Variants in SMCHD1 observed in about 807,000 individuals in gnomAD.
SMCHD1 encodes the protein structural maintenance of chromosomes flexible hinge domain-containing protein 1.
A neutral mutation model predicts 254.7 loss-of-function variants in SMCHD1; 78 were observed. That is an observed-to-expected ratio of 0.31 (90% CI 0.26 to 0.37). The LOEUF (loss-of-function observed/expected upper bound fraction) is 0.37. Ranked by LOEUF, SMCHD1 falls within the 10% of genes least tolerant of loss-of-function variation. SMCHD1 has a pLI of 1.00. For missense variants in SMCHD1, 1,840 were observed against 2,408.1 expected (o/e 0.76, Z 4.94); for synonymous variants, 766 against 794.9 (o/e 0.96, Z 0.61).
intron 37 of SMCHD1, among the ~76,000 whole-genome samples, chr18:2,764,398 T>C (rs2075834434): frequency 6.6e-6 from 1 of 152,164 alleles, no homozygotes; most frequent in Non-Finnish European, 1.5e-5. Context: ...TTGTTCAACA[T>C]CTCTAATATA....
chr18:2,704,776 A>G lies in SMCHD1; in HGVS notation c.1842+890A>G, dbSNP rs375920901. Among the ~76,000 whole-genome samples, 9 of 152,234 alleles carry G rather than the reference A, an allele frequency of 5.9e-5. No homozygotes were observed. In the East Asian group the frequency reaches 1.2e-3, roughly 20 times the overall value. On this transcript the variant is annotated intron_variant, in intron 13 of 47. Coordinates refer to ENST00000320876, the MANE Select transcript of SMCHD1 (RefSeq NM_015295.3). The stretch of plus-strand genomic sequence containing the variant: ...GCTCTCTGTTCTCTCCATAAATGAG[A>G]GATACCATCATATATTTAAAGCTAT...
At chr18:2,766,471 C>A (rs17628055) in intron 37 of SMCHD1, among the ~76,000 whole-genome samples, 29,391 of 152,124 alleles carry the variant, frequency 0.19, 3,104 homozygotes, top group South Asian at 0.27. Flanking sequence ...CTCACTGAAT[C>A]AATAGAAAAC....
At chr18:2,725,370 A>G (rs1348552886) in intron 21 of SMCHD1, among the ~76,000 whole-genome samples, 1 of 151,856 alleles carries the variant, frequency 6.6e-6, no homozygotes, top group Non-Finnish European at 1.5e-5. Context: ...CAAAAATGAC[A>G]ATTAGAAATA....
At chr18:2,760,462 ATG>A (rs2075765851) in intron 34 of SMCHD1, 188 bp from the exon 35 acceptor site, 3 of 442,602 alleles carry the variant, frequency 6.8e-6, no homozygotes, top group Non-Finnish European at 4.1e-6. Flanking sequence ...TTGTAAAAGA[ATG>A]TACAGGTAAG....
intron 7 of SMCHD1, among the ~76,000 whole-genome samples, chr18:2,689,013 T>C (rs922478014): frequency 2.6e-5 from 4 of 152,232 alleles, no homozygotes; most frequent in Middle Eastern, 3.4e-3. Flanking sequence ...AATAAAATTA[T>C]AGAGTAGAAA....
At chr18:2,781,158 T>TG (rs1203544910) in intron 44 of SMCHD1, among the ~76,000 whole-genome samples, 2 of 152,150 alleles carry the variant, frequency 1.3e-5, no homozygotes, top group Non-Finnish European at 2.9e-5. Flanking sequence ...ACCCCCTCTG[T>TG]GGGGGGAAAC....
chr18:2,686,643 GGT>G (rs550899566), intron 5 of SMCHD1, among the ~76,000 whole-genome samples: 92 of 152,124 alleles, frequency 6.0e-4, no homozygotes, highest in African/African-American at 2.0e-3. Flanking sequence ...TATTGTGTGA[GGT>G]GTTTTGTATA....
intron 37 of SMCHD1, among the ~76,000 whole-genome samples, chr18:2,767,311 A>G (rs1007326596): frequency 6.6e-6 from 1 of 152,128 alleles, no homozygotes; most frequent in Non-Finnish European, 1.5e-5. Context: ...AAACAGAATT[A>G]AAAGAACAGT....
intron 47 of SMCHD1, among the ~76,000 whole-genome samples, chr18:2,799,618 C>T (rs1429303549): frequency 6.6e-6 from 1 of 152,196 alleles, no homozygotes; most frequent in African/African-American, 2.4e-5. Flanking sequence ...AATGTCATGA[C>T]TCTTACTTAG....
At chr18:2,800,062 A>G (rs777295794) in intron 47 of SMCHD1, among the ~76,000 whole-genome samples, 3 of 152,140 alleles carry the variant, frequency 2.0e-5, no homozygotes, top group Non-Finnish European at 4.4e-5. Flanking sequence ...AGAATATACT[A>G]GAGGTGAAGG....
At chr18:2,754,647 C>T (rs1235999959) in intron 34 of SMCHD1, among the ~76,000 whole-genome samples, 2 of 152,074 alleles carry the variant, frequency 1.3e-5, no homozygotes, top group African/African-American at 4.8e-5. Flanking sequence ...TAGCATAAAC[C>T]ATATTAGTGC....
At chr18:2,671,190 C>G (rs138736944) in intron 3 of SMCHD1, among the ~76,000 whole-genome samples, 1 of 152,060 alleles carries the variant, frequency 6.6e-6, no homozygotes, top group Non-Finnish European at 1.5e-5. Flanking sequence ...CCCGTCTCGA[C>G]CTCCCAAAGT....
rs80174345 is a variant in SMCHD1 at position 2,703,402 on chromosome 18, G to A, written c.1648-290G>A. ...CCTCCCAGGCAGTAAGGGTTCATCA[G>A]TTTTTAGTGTATCCTAGGAATTAAA... On this transcript the variant is annotated intron_variant, in intron 12 of 47. Coordinates refer to ENST00000320876, the MANE Select transcript of SMCHD1 (RefSeq NM_015295.3). 3.9e-3 allele frequency among the ~76,000 whole-genome samples: 590 copies of A among 152,210 alleles called. 15 individuals are homozygous for A. The East Asian group carries it at 0.045, about 12-fold the overall frequency.
Position 2,726,478 on chromosome 18 carries a change from T to G in SMCHD1, c.2727T>G (p.Pro909=). The change falls in exon 22 of 48, where the codon CCT becomes CCG. Residue 909 remains proline (P), a synonymous_variant. Transcript: ENST00000320876. ...GKNYNLKVTL[P]GLKEDSQILK... is the part of the protein sequence containing the mutation. ...ATTATAATCTGAAGGTTACTCTGCC[T>G]GGCTTAAAAGAAGACTCACAGATTT... 6.6e-7 allele frequency: 1 copy of G among 1,509,946 alleles called. No homozygotes were observed. The allele number at this position is 1,509,946 out of a possible 1,614,324, so 93.5% of individuals were successfully genotyped here. A position where few individuals can be genotyped will look rare whatever the true frequency, so the allele number is the denominator to read the frequency against.
At chr18:2,677,966 C>T (rs980192924) in intron 5 of SMCHD1, among the ~76,000 whole-genome samples, 1 of 152,134 alleles carries the variant, frequency 6.6e-6, no homozygotes, top group Non-Finnish European at 1.5e-5. Flanking sequence ...GGATTACAAC[C>T]AGCATCTTAA....
intron 47 of SMCHD1, chr18:2,801,134 A>G (rs1013979916): frequency 6.6e-6 from 1 of 152,240 alleles, no homozygotes; most frequent in African/African-American, 2.4e-5. Flanking sequence ...GGAGAAGGAA[A>G]TGCTATCATG....
At position 2,755,565 on chromosome 18, in the gene SMCHD1, C is replaced by CTT. The variant is rs11413061; in HGVS notation, c.4346+3032_4346+3033dup. ...TTGTGTATTTTCTTTTTCTTTCTTT[C>CTT]TTTTTTTTTTTTTTTTTTTTGAGAT... On this transcript the variant is annotated intron_variant, in intron 34 of 47. Transcript: ENST00000320876. 9.4e-3 allele frequency among the ~76,000 whole-genome samples: 1,013 copies of CTT among 108,144 alleles called. 37 individuals carry two copies. The highest frequency in any genetic ancestry group is 0.016 in the East Asian group (55 of 3,538). The allele number at this position is 108,144 out of a possible 152,430, so 70.9% of individuals were successfully genotyped here. A position where few individuals can be genotyped will look rare whatever the true frequency, so the allele number is the denominator to read the frequency against.
intron 7 of SMCHD1, among the ~76,000 whole-genome samples, chr18:2,693,254 C>T (rs2074218206): frequency 6.6e-6 from 1 of 152,148 alleles, no homozygotes; most frequent in Non-Finnish European, 1.5e-5. Flanking sequence ...GCAACATACA[C>T]AGTAGATATA....
chr18:2,663,165 G>A (rs1240246982), intron 1 of SMCHD1, among the ~76,000 whole-genome samples: 4 of 152,196 alleles, frequency 2.6e-5, no homozygotes, highest in African/African-American at 9.7e-5. Context: ...GTGCAGTAGT[G>A]TGTGATCACG....
Sources: allele counts gnomAD v4.1 joint callset (sites outside exome capture counted in the v4.1 genomes callset), GRCh38; gene constraint gnomAD v4.1.1; transcripts MANE v1.5; gene names NCBI Gene and HGNC (gene_info 2026-07-23, HGNC 2026-07-21).